DLG2: variants seen among roughly 807,000 people sequenced by gnomAD.
DLG2 encodes the protein discs large MAGUK scaffold protein 2.
A neutral mutation model predicts 132.5 loss-of-function variants in DLG2; 45 were observed. The observed-to-expected ratio is 0.34, with a 90% CI of 0.27 to 0.44. The LOEUF is 0.44. Among genes scored for constraint, DLG2 ranks in the 20% least tolerant of loss-of-function variants. The pLI is 1.00. For synonymous variants in DLG2, 424 were observed against 419.6 expected, an observed-to-expected ratio of 1.01 and a Z score of -0.13; for missense variants, 1,045 against 1,196.9, an observed-to-expected ratio of 0.87 and a Z score of 1.87.
chr11:85,377,747 GCT>G (rs1362139700), intron 3 of DLG2, among the ~76,000 whole-genome samples: 1 of 145,554 alleles, frequency 6.9e-6, no homozygotes, highest in South Asian at 2.2e-4. Flanking sequence ...TACCATGGTG[GCT>G]CTGTTTCTTG....
chr11:84,914,557 C>T (rs1410493801), intron 6 of DLG2, among the ~76,000 whole-genome samples: 1 of 152,172 alleles, frequency 6.6e-6, no homozygotes, highest in Non-Finnish European at 1.5e-5. Context: ...GTTATCAGGC[C>T]CATAAGAATT....
Position 85,102,246 on chromosome 11 carries a change from T to C in DLG2, c.357+9415A>G, listed in dbSNP as rs185070796. 2.3e-4 allele frequency among the ~76,000 whole-genome samples: 35 copies of C among 152,214 alleles called. No homozygotes were observed. In the East Asian group the frequency reaches 6.0e-3, roughly 26 times the overall value. ...TTCTGGCTCCCCTACGTGCTGATGA[T>C]ATGTTGCCAAAATAAGTTATTTTAC... is the stretch of plus-strand genomic sequence containing the variant. On this transcript the variant is annotated intron_variant, in intron 6 of 27. Coordinates refer to ENST00000376104, the MANE Select transcript of DLG2 (RefSeq NM_001142699.3).
At chr11:85,475,496 T>C (rs916128502) in intron 3 of DLG2, among the ~76,000 whole-genome samples, 1 of 152,052 alleles carries the variant, frequency 6.6e-6, no homozygotes, top group Non-Finnish European at 1.5e-5. Context: ...TTTTTAATTA[T>C]ACCACATAAA....
chr11:84,053,348 G>A (rs2096436758), intron 11 of DLG2, among the ~76,000 whole-genome samples: 1 of 151,894 alleles, frequency 6.6e-6, no homozygotes, highest in Admixed American at 6.6e-5. Flanking sequence ...GTGATGGGAT[G>A]ATCTGTGTAG....
chr11:85,485,796 C>T (rs989010274), intron 3 of DLG2, among the ~76,000 whole-genome samples: 2 of 152,198 alleles, frequency 1.3e-5, no homozygotes, highest in Non-Finnish European at 2.9e-5. Context: ...GGGGAACCCA[C>T]ATGGAGTCCC....
intron 19 of DLG2, among the ~76,000 whole-genome samples, chr11:83,571,769 A>T (rs1223873930): frequency 6.6e-6 from 1 of 152,188 alleles, no homozygotes; most frequent in Non-Finnish European, 1.5e-5. Context: ...AGTCAGAAAG[A>T]TGCCAGAGAT....
intron 3 of DLG2, among the ~76,000 whole-genome samples, chr11:85,352,392 T>C (rs1365651998): frequency 2.3e-4 from 35 of 152,180 alleles, no homozygotes; most frequent in Admixed American, 2.3e-3. Context: ...TGAAGGGTTT[T>C]TGTGTCTCTA....
chr11:85,354,745 TCACACACA>T (rs139924079), intron 3 of DLG2, among the ~76,000 whole-genome samples: 2 of 149,214 alleles, frequency 1.3e-5, no homozygotes, highest in African/African-American at 4.9e-5. Context: ...TCTCTCTCTC[TCACACACA>T]CACACACACA....
At chr11:85,289,967 A>G (rs1264963265) in intron 3 of DLG2, among the ~76,000 whole-genome samples, 1 of 152,174 alleles carries the variant, frequency 6.6e-6, no homozygotes, top group African/African-American at 2.4e-5. Context: ...TTCACTAAGT[A>G]GTTTTTAAGC....
rs71995683 is a variant in DLG2, at chr11:85,583,057, A to AATAT, written c.40+15596_40+15599dup. Among the ~76,000 whole-genome samples the AATAT allele has an allele frequency of 2.9e-3, 296 of 101,602 alleles. 4 individuals carry two copies. Among genetic ancestry groups the AATAT allele is most frequent in the Non-Finnish European group, 4.0e-3 (215 of 54,040 alleles). The allele number at this position is 101,602 out of a possible 152,430, so 66.7% of individuals were successfully genotyped here. The stretch of plus-strand genomic sequence containing the variant: ...GAACTAGAAACCAGGGGAAAAAAAA[A>AATAT]ATATATATATATATATATATAATAT... On this transcript the variant is annotated intron_variant, in intron 3 of 27. Transcript: ENST00000376104.
At chr11:83,718,522 C>T (rs1386668574) in intron 18 of DLG2, among the ~76,000 whole-genome samples, 1 of 64,012 alleles carries the variant, frequency 1.6e-5, no homozygotes, top group African/African-American at 8.2e-5. Flanking sequence ...GAAACTCCAT[C>T]TCAAAAAAAG....
chr11:85,274,510 A>C (rs2077761719), intron 4 of DLG2, among the ~76,000 whole-genome samples: 1 of 152,194 alleles, frequency 6.6e-6, no homozygotes, highest in Non-Finnish European at 1.5e-5. Flanking sequence ...TACAAATAAG[A>C]CTAACCATTA....
At chr11:84,038,948 T>C (rs549835212) in intron 11 of DLG2, among the ~76,000 whole-genome samples, 26 of 152,168 alleles carry the variant, frequency 1.7e-4, no homozygotes, top group African/African-American at 6.0e-4. Flanking sequence ...TGGAGGTAAC[T>C]TCCCTCATGA....
At chr11:84,892,269 C>T (rs565119734) in intron 6 of DLG2, among the ~76,000 whole-genome samples, 83 of 152,234 alleles carry the variant, frequency 5.5e-4, no homozygotes, top group African/African-American at 1.5e-3. Context: ...TGCAGGATGG[C>T]ATGGTCATGC....
At chr11:84,113,814 G>A (rs977500318) in intron 9 of DLG2, among the ~76,000 whole-genome samples, 1 of 152,102 alleles carries the variant, frequency 6.6e-6, no homozygotes, top group South Asian at 2.1e-4. Context: ...GGTAATAAAA[G>A]TTCAATGATA....
intron 3 of DLG2, among the ~76,000 whole-genome samples, chr11:85,542,561 T>C (rs2076040142): frequency 6.6e-6 from 1 of 152,210 alleles, no homozygotes. Flanking sequence ...CCTTTTAAAG[T>C]TTGCATAATA....
intron 7 of DLG2, among the ~76,000 whole-genome samples, chr11:84,310,855 G>T (rs556978839): frequency 6.6e-6 from 1 of 152,142 alleles, no homozygotes; most frequent in Non-Finnish European, 1.5e-5. Context: ...AAAGTCCTCC[G>T]CACTCAAGTT....
At chr11:83,682,488 T>C in intron 18 of DLG2, 1 of 969,836 alleles carries the variant, frequency 1.0e-6, no homozygotes. Flanking sequence ...ACCAATAAGA[T>C]GCTTTCCCAC....
intron 4 of DLG2, among the ~76,000 whole-genome samples, chr11:85,216,974 G>A (rs2082653658): frequency 6.6e-6 from 1 of 152,076 alleles, no homozygotes; most frequent in South Asian, 2.1e-4. Context: ...GATTACAGGT[G>A]TGAGCCGCCG....
Sources: gnomAD v4.1 joint callset for allele counts (sites outside exome capture counted in the v4.1 genomes callset) on GRCh38, gnomAD v4.1.1 for gene constraint, MANE v1.5 for transcripts, NCBI Gene and HGNC (gene_info 2026-07-23, HGNC 2026-07-21) for gene names.